Variants in DACH1 observed in about 807,000 individuals in gnomAD.
DACH1 encodes dachshund family transcription factor 1.
A neutral mutation model predicts 54.2 loss-of-function variants in DACH1; 12 were observed. That is an observed-to-expected ratio of 0.22 (90% CI 0.14 to 0.36). The LOEUF is 0.36. Among genes scored for constraint, DACH1 ranks in the 10% least tolerant of loss-of-function variants. The probability of loss-of-function intolerance (pLI) is 1.00; values close to 1 mark genes in which losing one functional copy is unlikely to be tolerated. For synonymous variants in DACH1, 386 were observed against 366.2 expected (o/e 1.05, Z -0.62); for missense variants, 805 against 929.8 (o/e 0.87, Z 1.75).
At chr13:71,677,096 T>C (rs1390505390) in intron 2 of DACH1, among the ~76,000 whole-genome samples, 1 of 151,972 alleles carries the variant, frequency 6.6e-6, no homozygotes, top group Non-Finnish European at 1.5e-5. Context: ...GCAAATACAC[T>C]ATCCAAATTG....
chr13:71,506,283 C>T, intron 6 of DACH1, among the ~76,000 whole-genome samples: 1 of 115,560 alleles, frequency 8.7e-6, no homozygotes, highest in Non-Finnish European at 1.7e-5. Context: ...CTATCCCTCC[C>T]CCCTCCCCCC....
chr13:71,449,732 T>A (rs1381272911), intron 10 of DACH1, among the ~76,000 whole-genome samples: 2 of 152,090 alleles, frequency 1.3e-5, no homozygotes, highest in African/African-American at 4.8e-5. Context: ...AAAAGGCTGG[T>A]ATGAAGTAAA....
chr13:71,475,573 C>G, intron 9 of DACH1, 133 bp downstream of exon 9: 1 of 1,117,468 alleles, frequency 8.9e-7, no homozygotes, highest in African/African-American at 1.6e-5. Flanking sequence ...TTCTTCCCAC[C>G]CTGCTTTCAG....
chr13:71,813,814 G>GA (rs572051739), intron 1 of DACH1, among the ~76,000 whole-genome samples: 1 of 151,630 alleles, frequency 6.6e-6, no homozygotes. Flanking sequence ...TTTAGAGTTA[G>GA]AAAAAAAATA....
At chr13:71,857,379 A>G (rs139916683) in intron 1 of DACH1, among the ~76,000 whole-genome samples, 2 of 151,796 alleles carry the variant, frequency 1.3e-5, no homozygotes, top group East Asian at 3.9e-4. Context: ...GTGCTACAAA[A>G]AGGTAAAATT....
chr13:71,512,941 C>A (rs1416762386), intron 6 of DACH1, among the ~76,000 whole-genome samples: 1 of 151,746 alleles, frequency 6.6e-6, no homozygotes, highest in Admixed American at 6.6e-5. Context: ...AAATAATTGA[C>A]ATAGATGCTT....
chr13:71,706,855 A>G (rs893935097), intron 1 of DACH1, among the ~76,000 whole-genome samples: 1 of 152,338 alleles, frequency 6.6e-6, no homozygotes. Context: ...TCTCACATTT[A>G]TAATGAATCT....
At chr13:71,740,106 C>T (rs1021859594) in intron 1 of DACH1, among the ~76,000 whole-genome samples, 2 of 152,140 alleles carry the variant, frequency 1.3e-5, no homozygotes, top group African/African-American at 4.8e-5. Flanking sequence ...GACATTGTCT[C>T]GTTAACTAGA....
intron 1 of DACH1, among the ~76,000 whole-genome samples, chr13:71,860,948 T>C (rs905262314): frequency 2.0e-5 from 3 of 152,010 alleles, no homozygotes; most frequent in Non-Finnish European, 2.9e-5. Context: ...TGTTTTCATA[T>C]GCTGGTGAAT....
intron 2 of DACH1, among the ~76,000 whole-genome samples, chr13:71,655,765 C>A (rs903777797): frequency 6.6e-5 from 10 of 152,116 alleles, no homozygotes; most frequent in African/African-American, 2.2e-4. Context: ...TACTGCAGTC[C>A]TAAATCAGAA....
chr13:71,653,118 C>A (rs1449901477), intron 2 of DACH1, among the ~76,000 whole-genome samples: 1 of 152,148 alleles, frequency 6.6e-6, no homozygotes, highest in African/African-American at 2.4e-5. Context: ...ACAAAGTGAT[C>A]ATTTAATGCA....
At chr13:71,715,486 C>T (rs1375576858) in intron 1 of DACH1, among the ~76,000 whole-genome samples, 1 of 152,010 alleles carries the variant, frequency 6.6e-6, no homozygotes, top group Non-Finnish European at 1.5e-5. Flanking sequence ...CCTAAGAAGG[C>T]GGTTTCCTAT....
intron 7 of DACH1, 77 bp downstream of exon 7, chr13:71,488,920 C>T (rs1046744342): frequency 2.2e-6 from 3 of 1,364,928 alleles, no homozygotes; most frequent in African/African-American, 1.5e-5. Flanking sequence ...TAAGTAGGAA[C>T]AGTATAAATT....
chr13:71,723,127 C>T (rs1883303940), intron 1 of DACH1, among the ~76,000 whole-genome samples: 1 of 151,874 alleles, frequency 6.6e-6, no homozygotes, highest in Non-Finnish European at 1.5e-5. Flanking sequence ...CTAGGTCTGG[C>T]ATAGCAGCTT....
At position 71,562,680 on chromosome 13, in the gene DACH1, C is replaced by A. The variant is rs536925572; in HGVS notation, c.1300-2725G>T. Among the ~76,000 whole-genome samples the A allele has an allele frequency of 2.0e-5, 3 of 152,058 alleles. No homozygotes were observed. The East Asian group carries it at 5.8e-4, about 29-fold the overall frequency. ...AAAACGTCTAAGGCAAACAAACGACCAACAGTTTTAAAAAACAAACATGTA... is the reference window on the plus strand; with the variant it reads ...AAAACGTCTAAGGCAAACAAACGACAAACAGTTTTAAAAAACAAACATGTA... On this transcript the variant is annotated intron_variant, in intron 4 of 10. Transcript: ENST00000613252.
At chr13:71,783,981 CA>C (rs1184800767) in intron 1 of DACH1, among the ~76,000 whole-genome samples, 16 of 104,348 alleles carry the variant, frequency 1.5e-4, no homozygotes, top group African/African-American at 4.1e-4. Flanking sequence ...AAAAAAAAAA[CA>C]AAAAAAAAAC....
intron 6 of DACH1, among the ~76,000 whole-genome samples, chr13:71,543,944 T>C (rs999706447): frequency 1.3e-5 from 2 of 152,112 alleles, no homozygotes; most frequent in East Asian, 1.9e-4. Flanking sequence ...TCTAGAATTG[T>C]CCCACCTTAC....
chr13:71,477,104 A>ATATATAT (rs1566282945), intron 8 of DACH1, among the ~76,000 whole-genome samples: 2 of 43,256 alleles, frequency 4.6e-5, no homozygotes, highest in African/African-American at 1.7e-4. Context: ...ATATATATAT[A>ATATATAT]TTTTTTTTTT....
chr13:71,746,074 T>C (rs1884591661), intron 1 of DACH1, among the ~76,000 whole-genome samples: 1 of 151,998 alleles, frequency 6.6e-6, no homozygotes, highest in Non-Finnish European at 1.5e-5. Context: ...AAAAATTAGC[T>C]GGGCGTGGTG....
Sources: allele counts gnomAD v4.1 joint callset (sites outside exome capture counted in the v4.1 genomes callset), GRCh38; gene constraint gnomAD v4.1.1; transcripts MANE v1.5; gene names NCBI Gene and HGNC (gene_info 2026-07-23, HGNC 2026-07-21).